The following TMEFF2 variants were observed in gnomAD, a reference collection of about 807,000 sequenced individuals.
TMEFF2 encodes tomoregulin-2.
Under a neutral mutation model 53.8 loss-of-function variants are expected in TMEFF2, and 28 were observed. That is an observed-to-expected ratio of 0.52 (90% confidence interval 0.39 to 0.71). The LOEUF is 0.71. Among genes scored for constraint, TMEFF2 ranks in the 30% least tolerant of loss-of-function variants. The pLI is 0.00. For synonymous variants in TMEFF2, 162 were observed against 166.3 expected (o/e 0.97, Z 0.20); for missense variants, 353 against 455.2 (o/e 0.78, Z 2.04).
intron 4 of TMEFF2, among the ~76,000 whole-genome samples, chr2:192,122,351 C>G (rs1367646019): frequency 2.0e-5 from 3 of 152,146 alleles, no homozygotes; most frequent in Non-Finnish European, 2.9e-5. Context: ...CGTGTAATAG[C>G]TAACCTCCAG....
intron 4 of TMEFF2, among the ~76,000 whole-genome samples, chr2:192,139,309 T>C (rs1465015732): frequency 4.6e-5 from 7 of 152,216 alleles, no homozygotes; most frequent in African/African-American, 1.7e-4. Flanking sequence ...GGAACAATGA[T>C]ATATTGTTAA....
chr2:192,037,625 AGG>A (rs1687357262), intron 5 of TMEFF2, among the ~76,000 whole-genome samples: 3 of 80,974 alleles, frequency 3.7e-5, no homozygotes, highest in Non-Finnish European at 5.4e-5. Flanking sequence ...AAAGAGAGAG[AGG>A]AGAGAAAGAG....
chr2:192,087,593 T>C (rs1163640952), intron 4 of TMEFF2, among the ~76,000 whole-genome samples: 1 of 152,160 alleles, frequency 6.6e-6, no homozygotes, highest in East Asian at 1.9e-4. Context: ...ATGTCTGAAT[T>C]CACTCAAGCA....
rs1687362086 is a variant in TMEFF2 at position 192,037,644 on chromosome 2, AGAGAG to A, written c.536+20030_536+20034del. Among the ~76,000 whole-genome samples the A allele has an allele frequency of 1.0e-3, 4 of 3,908 alleles. No homozygotes were observed. The Admixed American group carries it at 0.029, about 28-fold the overall frequency. The allele number at this position is 3,908 out of a possible 152,430, so 2.6% of individuals were successfully genotyped here. On this transcript the variant is annotated intron_variant, in intron 5 of 9. Coordinates refer to ENST00000272771, the MANE Select transcript of TMEFF2 (RefSeq NM_016192.4). ...AGAGAGAGGAGAGAAAGAGAGAGAA[AGAGAG>A]AGAGAGAGAGAGAGAGAGAGAGACC... is the stretch of plus-strand genomic sequence containing the variant.
chr2:191,950,361 C>T lies in TMEFF2; in HGVS notation c.1075G>A (p.Gly359Arg). 6.2e-7 allele frequency: 1 copy of T among 1,613,782 alleles called. No individual in the cohort carries two copies. The highest frequency in any genetic ancestry group is 8.5e-7 in the Non-Finnish European group (1 of 1,179,874). The change falls in exon 10 of 10, where the codon GGG becomes AGG. Residue 359 changes from glycine to arginine, a missense_variant. Around this residue, in one of 3 missense-constraint regions of TMEFF2, gnomAD observed 294 missense variants for 397.3 expected, o/e 0.74. Transcript: ENST00000272771. ...NRIHRQKQNT[G>R]HYSSDNTTRA... is the part of the protein sequence containing the mutation. Reference sequence around the variant, plus strand: ...GTTGTATTGTCTGAACTGTAGTGCCCTGTATTTTGCTTCTGTCTGTGAATT... The same window carrying T: ...GTTGTATTGTCTGAACTGTAGTGCCTTGTATTTTGCTTCTGTCTGTGAATT...
At chr2:192,057,600 T>C (rs1687942562) in intron 5 of TMEFF2, 79 bp downstream of exon 5, 1 of 1,203,788 alleles carries the variant, frequency 8.3e-7, no homozygotes. Context: ...ATGTCTTCTG[T>C]TGCAGAATGG....
At chr2:192,151,093 A>C (rs1026400847) in intron 4 of TMEFF2, among the ~76,000 whole-genome samples, 1 of 151,800 alleles carries the variant, frequency 6.6e-6, no homozygotes. Flanking sequence ...TGGTTTTATA[A>C]GGCAGTTTTC....
chr2:192,034,455 G>A (rs746499280), intron 5 of TMEFF2, among the ~76,000 whole-genome samples: 6 of 152,058 alleles, frequency 3.9e-5, no homozygotes, highest in Non-Finnish European at 8.8e-5. Context: ...GCACGTTGTA[G>A]GAACAAAAAT....
At chr2:192,042,200 C>CAA (rs35728678) in intron 5 of TMEFF2, among the ~76,000 whole-genome samples, 3,645 of 139,466 alleles carry the variant, frequency 0.026, 66 homozygotes, top group Non-Finnish European at 0.038. Context: ...GACTCTGTCT[C>CAA]AAAAAAAAAA....
At chr2:192,180,894 C>G (rs1207873535) in intron 3 of TMEFF2, among the ~76,000 whole-genome samples, 3 of 151,642 alleles carry the variant, frequency 2.0e-5, no homozygotes, top group Non-Finnish European at 4.4e-5. Flanking sequence ...CCCACATTAA[C>G]TAAATTTATA....
At chr2:192,105,755 A>T (rs1405890890) in intron 4 of TMEFF2, among the ~76,000 whole-genome samples, 2 of 151,988 alleles carry the variant, frequency 1.3e-5, no homozygotes, top group Admixed American at 6.6e-5. Flanking sequence ...GTAAAAAAGG[A>T]TCCAAGTTAT....
intron 5 of TMEFF2, among the ~76,000 whole-genome samples, chr2:192,000,747 T>C (rs376814855): frequency 4.6e-5 from 7 of 152,344 alleles, no homozygotes; most frequent in Admixed American, 3.3e-4. Context: ...GCAGAAAATG[T>C]GCTAATGAAC....
chr2:191,951,361 T>G (rs1205449452), intron 9 of TMEFF2, among the ~76,000 whole-genome samples: 2 of 152,048 alleles, frequency 1.3e-5, no homozygotes, highest in Non-Finnish European at 2.9e-5. Context: ...CCATACTTTT[T>G]GTGACACATG....
At chr2:192,164,381 C>T (rs1179358621) in intron 4 of TMEFF2, among the ~76,000 whole-genome samples, 2 of 152,118 alleles carry the variant, frequency 1.3e-5, no homozygotes, top group Non-Finnish European at 2.9e-5. Context: ...GTGAAAATCT[C>T]ACTCTTACCA....
chr2:192,154,509 T>C (rs1161484386), intron 4 of TMEFF2, among the ~76,000 whole-genome samples: 2 of 152,008 alleles, frequency 1.3e-5, no homozygotes, highest in African/African-American at 4.8e-5. Flanking sequence ...AGAAACTACT[T>C]TGGTGCTTGT....
At chr2:192,165,794 A>C (rs548422786) in intron 4 of TMEFF2, among the ~76,000 whole-genome samples, 2 of 152,240 alleles carry the variant, frequency 1.3e-5, no homozygotes, top group African/African-American at 4.8e-5. Flanking sequence ...CTCCCTCAGC[A>C]TTAGCAGTAG....
intron 5 of TMEFF2, among the ~76,000 whole-genome samples, chr2:192,051,572 A>G (rs1356687048): frequency 6.6e-6 from 1 of 152,226 alleles, no homozygotes; most frequent in East Asian, 1.9e-4. Flanking sequence ...AATTTTCCCT[A>G]TCAAACTCAC....
At chr2:192,156,657 T>C (rs1690513315) in intron 4 of TMEFF2, among the ~76,000 whole-genome samples, 1 of 152,062 alleles carries the variant, frequency 6.6e-6, no homozygotes, top group Non-Finnish European at 1.5e-5. Flanking sequence ...CAGAAATATG[T>C]AGGCCATGAG....
chr2:191,986,232 A>G (rs945287086), intron 7 of TMEFF2, among the ~76,000 whole-genome samples: 3 of 152,210 alleles, frequency 2.0e-5, no homozygotes, highest in African/African-American at 7.2e-5. Context: ...CTCCTTAAAA[A>G]TCATCATTAA....
Sources: allele counts gnomAD v4.1 joint callset (sites outside exome capture counted in the v4.1 genomes callset), GRCh38; gene constraint gnomAD v4.1.1; regional missense constraint gnomAD v4.1.1; transcripts MANE v1.5; gene names NCBI Gene and HGNC (gene_info 2026-07-23, HGNC 2026-07-21).